ANO4: variants seen among roughly 807,000 people sequenced by gnomAD.
The protein encoded by ANO4 is anoctamin 4, also known as anoctamin-4.
ANO4 carries 69 observed loss-of-function variants against 141.9 expected under a neutral mutation model. The observed-to-expected ratio is 0.49, with a 90% confidence interval of 0.40 to 0.59. The LOEUF (loss-of-function observed/expected upper bound fraction) is 0.59, where lower values mean the gene tolerates loss of function less well. Ranked by LOEUF, ANO4 falls within the 20% of genes least tolerant of loss-of-function variation. The pLI, the probability that ANO4 is intolerant of heterozygous loss-of-function variation, is 0.00. For missense variants in ANO4, 894 were observed against 1,162.2 expected, an observed-to-expected ratio of 0.77 and a Z score of 3.36; for synonymous variants, 350 against 394.3, an observed-to-expected ratio of 0.89 and a Z score of 1.33.
At position 100,785,056 on chromosome 12, in the gene ANO4, C is replaced by CT. The variant is rs1360132823; in HGVS notation, c.358+44953dup. Among the ~76,000 whole-genome samples the CT allele has an allele frequency of 2.0e-5, 3 of 152,012 alleles. No homozygotes were observed. The East Asian group carries it at 5.8e-4, about 29-fold the overall frequency. ...TAAATTAGTAAAAAGGCTACCTAGT[C>CT]TTCAGGGAAATTCAGTTTTGTTGTA... On this transcript the variant is annotated intron_variant, in intron 3 of 29. Coordinates refer to the ANO4 transcript ENST00000644049.
intron 15 of ANO4, among the ~76,000 whole-genome samples, chr12:101,082,500 A>G (rs1231187322): frequency 6.6e-6 from 1 of 152,228 alleles, no homozygotes; most frequent in Non-Finnish European, 1.5e-5. Flanking sequence ...TGGCCCAATA[A>G]ATTGAAAGTT....
At chr12:101,097,979 C>T (rs767839481) in intron 21 of ANO4, 34 bp downstream of exon 21, 1 of 1,577,748 alleles carries the variant, frequency 6.3e-7, no homozygotes, top group Non-Finnish European at 8.7e-7. Flanking sequence ...TGAGAGGCAG[C>T]ATTGCTCATT....
intron 1 of ANO4, among the ~76,000 whole-genome samples, chr12:100,798,880 G>A (rs2034510381): frequency 6.6e-6 from 1 of 152,198 alleles, no homozygotes; most frequent in African/African-American, 2.4e-5. Context: ...GGCATCTGCT[G>A]ACTGACCTTT....
rs917266634 is a variant in ANO4 at position 100,944,093 on chromosome 12, C to T, written c.456+1558C>T. ...ATAAGTATTCTCTACAGGCCTAGGG[C>T]TTCTTCTGTATAGATCTTTTCAATG... is the stretch of plus-strand genomic sequence containing the variant. On this transcript the variant is annotated intron_variant, in intron 5 of 27. Coordinates refer to ENST00000392977, the MANE Select transcript of ANO4 (RefSeq NM_001286615.2). 2.0e-5 allele frequency among the ~76,000 whole-genome samples: 3 copies of T among 152,176 alleles called. No homozygotes were observed. The East Asian group carries it at 5.8e-4, about 29-fold the overall frequency.
chr12:100,761,384 T>A lies in ANO4; in HGVS notation c.358+21279T>A, dbSNP rs10467011. ...ACATACTCACAGCTAAGATTTATCA[T>A]AACAAAAGAATACAAAATGAAATCA... On this transcript the variant is annotated intron_variant, in intron 3 of 29. Coordinates refer to the ANO4 transcript ENST00000644049. Among the ~76,000 whole-genome samples the A allele has an allele frequency of 2.9e-3, 434 of 152,256 alleles. 1 individual carries two copies. The highest frequency in any genetic ancestry group is 9.9e-3 in the African/African-American group (412 of 41,556).
At chr12:100,931,277 T>A (rs898687331) in intron 3 of ANO4, among the ~76,000 whole-genome samples, 1 of 152,174 alleles carries the variant, frequency 6.6e-6, no homozygotes, top group African/African-American at 2.4e-5. Flanking sequence ...CAATAATGGA[T>A]CTATTTGTTA....
At chr12:101,050,516 C>G (rs2047816419) in intron 14 of ANO4, among the ~76,000 whole-genome samples, 1 of 152,158 alleles carries the variant, frequency 6.6e-6, no homozygotes, top group African/African-American at 2.4e-5. Flanking sequence ...GTATCATACA[C>G]CGTGATTCGG....
chr12:101,007,908 C>A lies in ANO4; in HGVS notation c.735-12126C>A, dbSNP rs1354229. Among the ~76,000 whole-genome samples, 209 of 151,970 alleles carry A rather than the reference C, an allele frequency of 1.4e-3. 1 individual carries two copies. The highest frequency in any genetic ancestry group is 4.7e-3 in the African/African-American group (193 of 41,480). On this transcript the variant is annotated intron_variant, in intron 8 of 27. Coordinates refer to ENST00000392977, the MANE Select transcript of ANO4 (RefSeq NM_001286615.2). The stretch of plus-strand genomic sequence containing the variant: ...CTTGAGTTTCTAAAAAAAAATATTG[C>A]GAGCTGCCCACATGTTTACAATATC...
chr12:100,996,927 T>C (rs1363523375), intron 8 of ANO4, among the ~76,000 whole-genome samples: 1 of 150,382 alleles, frequency 6.6e-6, no homozygotes, highest in African/African-American at 2.5e-5. Context: ...ATTCCAGGGT[T>C]ACACCATAGG....
intron 1 of ANO4, among the ~76,000 whole-genome samples, chr12:100,847,885 A>T (rs1046716840): frequency 9.2e-5 from 14 of 152,210 alleles, no homozygotes; most frequent in African/African-American, 1.7e-4. Context: ...TTATCTTGGT[A>T]CAGGAAGCAA....
At chr12:100,909,265 C>T (rs911818540) in intron 2 of ANO4, among the ~76,000 whole-genome samples, 4 of 152,134 alleles carry the variant, frequency 2.6e-5, no homozygotes, top group Non-Finnish European at 4.4e-5. Flanking sequence ...ATTTGGCTCA[C>T]GTTTTGAAGA....
intron 1 of ANO4, among the ~76,000 whole-genome samples, chr12:100,839,167 G>T (rs2037104048): frequency 6.6e-6 from 1 of 152,036 alleles, no homozygotes; most frequent in Non-Finnish European, 1.5e-5. Flanking sequence ...ACTTCTGCTG[G>T]CCAGGCCGTA....
chr12:100,966,297 G>A (rs180992918), intron 5 of ANO4, among the ~76,000 whole-genome samples: 8 of 152,248 alleles, frequency 5.3e-5, no homozygotes, highest in Admixed American at 3.9e-4. Context: ...CATTTAATAC[G>A]ATTCAATAAG....
At chr12:100,829,650 A>G (rs575588594) in intron 1 of ANO4, among the ~76,000 whole-genome samples, 121 of 152,224 alleles carry the variant, frequency 7.9e-4, no homozygotes, top group African/African-American at 2.8e-3. Flanking sequence ...GTGGATGTCA[A>G]GGAAGAAATC....
At chr12:101,063,676 A>G (rs978954460) in intron 14 of ANO4, among the ~76,000 whole-genome samples, 15 of 131,446 alleles carry the variant, frequency 1.1e-4, no homozygotes, top group Non-Finnish European at 1.6e-5. Flanking sequence ...CTGGGCCTGG[A>G]GTTTTCTTTG....
At chr12:100,993,654 C>T (rs2136362880) in intron 8 of ANO4, among the ~76,000 whole-genome samples, 1 of 152,182 alleles carries the variant, frequency 6.6e-6, no homozygotes, top group East Asian at 1.9e-4. Flanking sequence ...TCTTGTTATT[C>T]TGCCATCCCC....
intron 14 of ANO4, among the ~76,000 whole-genome samples, chr12:101,071,968 A>C (rs2048830272): frequency 6.6e-6 from 1 of 152,214 alleles, no homozygotes; most frequent in African/African-American, 2.4e-5. Context: ...TAACGTGATG[A>C]ATTATAGTAA....
At chr12:100,952,982 T>A (rs922502789) in intron 5 of ANO4, among the ~76,000 whole-genome samples, 1 of 152,038 alleles carries the variant, frequency 6.6e-6, no homozygotes, top group African/African-American at 2.4e-5. Context: ...GGGAAAAAAA[T>A]ACCCATTATA....
chr12:100,754,056 A>T lies in ANO4; in HGVS notation c.358+13951A>T, dbSNP rs191227682. On this transcript the variant is annotated intron_variant, in intron 3 of 29. Transcript: ENST00000644049. ...ATGGCTGGCACCATTATTCAACCAG[A>T]CACTGAAATTGTTCTTTGTTCATTT... Among the ~76,000 whole-genome samples the T allele has an allele frequency of 4.7e-3, 718 of 152,304 alleles. 2 individuals are homozygous for T. Among genetic ancestry groups the T allele is most frequent in the Middle Eastern group, 0.01 (3 of 294 alleles).
Sources: allele counts gnomAD v4.1 joint callset (sites outside exome capture counted in the v4.1 genomes callset), GRCh38; gene constraint gnomAD v4.1.1; transcripts MANE v1.5; gene names NCBI Gene and HGNC (gene_info 2026-07-23, HGNC 2026-07-21).